Variants in WWC2 observed in about 807,000 individuals in gnomAD.
The protein encoded by WWC2 is WW and C2 domain containing 2, also known as protein WWC2.
In WWC2, 101 loss-of-function variants were observed where a neutral mutation model predicts 138.5. That is an observed-to-expected ratio of 0.73 (90% CI 0.62 to 0.86). The LOEUF is 0.86. WWC2 is among the 40% of genes least tolerant of loss of function. The pLI, the probability that WWC2 is intolerant of heterozygous loss-of-function variation, is 0.00. For synonymous variants in WWC2, 558 were observed against 538.4 expected, an observed-to-expected ratio of 1.04 and a Z score of -0.50; for missense variants, 1,420 against 1,419.4, an observed-to-expected ratio of 1.00 and a Z score of -0.01.
At chr4:183,203,098 A>T (rs1735346554) in intron 2 of WWC2, among the ~76,000 whole-genome samples, 2 of 152,066 alleles carry the variant, frequency 1.3e-5, no homozygotes, top group Non-Finnish European at 2.9e-5. Flanking sequence ...GATCTTAACT[A>T]CTGGGATATT....
chr4:183,263,363 G>T (rs1172688901), intron 11 of WWC2, among the ~76,000 whole-genome samples: 1 of 152,172 alleles, frequency 6.6e-6, no homozygotes, highest in East Asian at 1.9e-4. Context: ...TGAGGTCTGG[G>T]AGTCCTGTCT....
intron 1 of WWC2, among the ~76,000 whole-genome samples, chr4:183,164,295 TATATAC>T (rs1225200368): frequency 1.9e-4 from 2 of 10,414 alleles, no homozygotes; most frequent in African/African-American, 7.4e-4. Context: ...TATATATATA[TATATAC>T]ATATATATAT....
chr4:183,207,526 G>A (rs991089854), intron 2 of WWC2, among the ~76,000 whole-genome samples: 10 of 152,136 alleles, frequency 6.6e-5, no homozygotes, highest in African/African-American at 2.4e-4. Context: ...TCATGGACTG[G>A]TGTTGGTCTG....
intron 1 of WWC2, among the ~76,000 whole-genome samples, chr4:183,175,437 AT>A (rs1734438025): frequency 6.6e-6 from 1 of 151,700 alleles, no homozygotes; most frequent in South Asian, 2.1e-4. Context: ...AATTTTTTGT[AT>A]TTTTTGTAGA....
intron 14 of WWC2, among the ~76,000 whole-genome samples, chr4:183,267,346 C>T (rs999116686): frequency 1.8e-4 from 27 of 152,064 alleles, no homozygotes; most frequent in Admixed American, 1.6e-3. Context: ...TTCCCAAATG[C>T]GAGATGAAAA....
intron 16 of WWC2, 107 bp downstream of exon 16, chr4:183,271,348 T>C (rs1737689933): frequency 2.3e-6 from 2 of 885,112 alleles, no homozygotes; most frequent in Non-Finnish European, 3.1e-6. Flanking sequence ...AACATGCTTT[T>C]ATCACTTTCA....
intron 1 of WWC2, among the ~76,000 whole-genome samples, chr4:183,191,621 T>C (rs568764118): frequency 1.3e-5 from 2 of 152,348 alleles, no homozygotes; most frequent in Admixed American, 6.5e-5. Flanking sequence ...TCCCGCACTT[T>C]AGTGTGGAGC....
chr4:183,227,594 A>G (rs1010626491), intron 4 of WWC2, among the ~76,000 whole-genome samples: 2 of 152,126 alleles, frequency 1.3e-5, no homozygotes, highest in Non-Finnish European at 2.9e-5. Flanking sequence ...CATGAAAATT[A>G]TCAAGAAAAT....
chr4:183,313,671 AT>A (rs777955538), intron 22 of WWC2, among the ~76,000 whole-genome samples: 1 of 151,816 alleles, frequency 6.6e-6, no homozygotes, highest in Non-Finnish European at 1.5e-5. Context: ...TGGGCCAGAC[AT>A]CCCAGAAAAT....
chr4:183,178,270 G>A (rs1734520968), intron 1 of WWC2, among the ~76,000 whole-genome samples: 1 of 151,988 alleles, frequency 6.6e-6, no homozygotes, highest in East Asian at 1.9e-4. Context: ...GGGCCAGAGA[G>A]TGGCTGATGC....
chr4:183,126,444 C>G (rs895556188), intron 1 of WWC2, among the ~76,000 whole-genome samples: 1 of 152,204 alleles, frequency 6.6e-6, no homozygotes, highest in Non-Finnish European at 1.5e-5. Flanking sequence ...TCTCAAATAT[C>G]TAGTACTTGC....
chr4:183,261,777 ACT>A (rs542469225), intron 11 of WWC2, among the ~76,000 whole-genome samples: 1 of 152,164 alleles, frequency 6.6e-6, no homozygotes, highest in Non-Finnish European at 1.5e-5. Context: ...GTCCAGAGAC[ACT>A]CTGTGTGTGG....
At chr4:183,251,621 A>G (rs1736985310) in intron 8 of WWC2, among the ~76,000 whole-genome samples, 2 of 152,116 alleles carry the variant, frequency 1.3e-5, no homozygotes, top group Admixed American at 1.3e-4. Context: ...CAAATAATAA[A>G]CGGGCGCCTC....
At chr4:183,245,225 TAAAAAAAAAAAAAA>T (rs746541290) in intron 5 of WWC2, among the ~76,000 whole-genome samples, 177 bp from the exon 6 acceptor site, 2 of 69,478 alleles carry the variant, frequency 2.9e-5, no homozygotes, top group Non-Finnish European at 6.3e-5. Flanking sequence ...AGACTCCATC[TAAAAAAAAAAAAAA>T]AAAAAAAAAA....
chr4:183,157,396 G>A (rs1374901714), intron 1 of WWC2, among the ~76,000 whole-genome samples: 1 of 152,220 alleles, frequency 6.6e-6, no homozygotes, highest in Non-Finnish European at 1.5e-5. Context: ...TTGGTCTCCT[G>A]TTGAGGGATG....
chr4:183,191,652 C>T (rs1326917990), intron 1 of WWC2, among the ~76,000 whole-genome samples: 2 of 152,188 alleles, frequency 1.3e-5, no homozygotes, highest in African/African-American at 4.8e-5. Context: ...GGAAAGCATA[C>T]ATTGCTGGGA....
At chr4:183,195,455 G>T (rs962893908) in intron 2 of WWC2, among the ~76,000 whole-genome samples, 10 of 152,110 alleles carry the variant, frequency 6.6e-5, no homozygotes, top group African/African-American at 2.4e-4. Context: ...CTTTCTCAGT[G>T]AAGGAGGCAT....
chr4:183,254,551 G>T (rs113335838), intron 9 of WWC2, among the ~76,000 whole-genome samples: 1 of 152,200 alleles, frequency 6.6e-6, no homozygotes, highest in Admixed American at 6.5e-5. Flanking sequence ...CTGGGAAGGT[G>T]TGAGTTGATT....
chr4:183,155,047 TGA>T (rs1487064493), intron 1 of WWC2, among the ~76,000 whole-genome samples: 1 of 152,038 alleles, frequency 6.6e-6, no homozygotes, highest in African/African-American at 2.4e-5. Context: ...ATAAAAACAA[TGA>T]GAGGAAGGAG....
Sources: allele counts gnomAD v4.1 joint callset (sites outside exome capture counted in the v4.1 genomes callset), GRCh38; gene constraint gnomAD v4.1.1; transcripts MANE v1.5; gene names NCBI Gene and HGNC (gene_info 2026-07-23, HGNC 2026-07-21).